The following TMEM116 variants were observed in gnomAD, a reference collection of about 807,000 sequenced individuals.
TMEM116 encodes the protein transmembrane protein 116.
TMEM116 carries 38 observed loss-of-function variants against 44.3 expected under a neutral mutation model. The ratio of observed to expected loss-of-function variants is 0.86; its 90% CI spans 0.66 to 1.12. The LOEUF (loss-of-function observed/expected upper bound fraction) is 1.12, where lower values mean the gene tolerates loss of function less well. TMEM116 is among the 50% of genes most tolerant of loss of function. The pLI is 0.00. For missense variants in TMEM116, 354 were observed against 401.7 expected, an observed-to-expected ratio of 0.88 and a Z score of 1.01; for synonymous variants, 132 against 144.8, an observed-to-expected ratio of 0.91 and a Z score of 0.64.
intron 4 of TMEM116, among the ~76,000 whole-genome samples, chr12:111,946,625 T>A (rs1462645406): frequency 6.6e-6 from 1 of 152,218 alleles, no homozygotes; most frequent in Non-Finnish European, 1.5e-5. Context: ...GTCATGGCCA[T>A]CACAAACATG....
intron 4 of TMEM116, among the ~76,000 whole-genome samples, chr12:111,954,266 C>T (rs2073937841): frequency 6.6e-6 from 1 of 152,082 alleles, no homozygotes; most frequent in African/African-American, 2.4e-5. Flanking sequence ...AAGCAAAGAT[C>T]ATAAAATTTA....
intron 4 of TMEM116, among the ~76,000 whole-genome samples, chr12:111,947,426 T>C (rs758245342): frequency 6.6e-6 from 1 of 152,214 alleles, no homozygotes; most frequent in Non-Finnish European, 1.5e-5. Context: ...TCAGGCTTAC[T>C]TGAGATGTCA....
At chr12:111,985,598 T>A (rs2136564359) in intron 4 of TMEM116, among the ~76,000 whole-genome samples, 1 of 152,282 alleles carries the variant, frequency 6.6e-6, no homozygotes, top group South Asian at 2.1e-4. Context: ...TTATAGTTTT[T>A]TGTTTTTTTG....
At chr12:111,988,386 AC>A (rs1317772370) in intron 4 of TMEM116, among the ~76,000 whole-genome samples, 2 of 152,186 alleles carry the variant, frequency 1.3e-5, no homozygotes, top group African/African-American at 2.4e-5. Context: ...ATAGTTTACC[AC>A]AATCTTAAAA....
rs1304236097 is a variant in TMEM116 at position 111,959,197 on chromosome 12, C to T, written c.211-15828G>A. Among the ~76,000 whole-genome samples the T allele has an allele frequency of 2.0e-5, 3 of 152,196 alleles. No homozygotes were observed. In the South Asian group the frequency reaches 6.2e-4, roughly 31 times the overall value. On this transcript the variant is annotated intron_variant, in intron 4 of 10. Transcript: ENST00000552374. ...GAAGAGAGTGGAGGCCAATATTCAA[C>T]ATTCTTAAAGAAAAGAATTTTCAAC... is the stretch of plus-strand genomic sequence containing the variant.
At chr12:111,975,785 G>T (rs971382341) in intron 4 of TMEM116, among the ~76,000 whole-genome samples, 2 of 138,660 alleles carry the variant, frequency 1.4e-5, no homozygotes, top group Non-Finnish European at 3.0e-5. Flanking sequence ...TGATGTAAAG[G>T]GATACTTTAA....
intron 1 of TMEM116, among the ~76,000 whole-genome samples, chr12:112,009,531 T>C (rs1412157741): frequency 7.2e-6 from 1 of 139,060 alleles, no homozygotes; most frequent in Non-Finnish European, 1.5e-5. Flanking sequence ...AGCATGGGTT[T>C]ACTTAAAAAA....
intron 4 of TMEM116, among the ~76,000 whole-genome samples, chr12:111,945,847 C>T (rs1406462419): frequency 6.6e-6 from 1 of 152,132 alleles, no homozygotes; most frequent in Admixed American, 6.5e-5. Context: ...AGAAACTGTA[C>T]TTCTTTATGT....
At chr12:111,971,289 T>C (rs530446153) in intron 4 of TMEM116, among the ~76,000 whole-genome samples, 1 of 152,056 alleles carries the variant, frequency 6.6e-6, no homozygotes, top group Non-Finnish European at 1.5e-5. Context: ...TAATAAACTA[T>C]TTAGGCAAAA....
At chr12:112,006,028 C>A in intron 1 of TMEM116, 1 of 980,070 alleles carries the variant, frequency 1.0e-6, no homozygotes, top group Non-Finnish European at 1.2e-6. Context: ...CCTTGAGCAG[C>A]CGATCCTTCC....
rs1435328868 is a variant in TMEM116 at position 111,932,634 on chromosome 12, C to A, written c.759G>T (p.Leu253=). Residue 253 remains leucine (L), a synonymous_variant, in exon 10 of 11, where the codon CTG becomes CTT. Transcript: ENST00000552374. ...GAAGCTTGGTGTCCTGTGGCTTAGT[C>A]AGCTTTATGATCATTAGAATGACAG... ...GPAVILMIIK[L]TKPQDTKLHM... 7.4e-6 allele frequency: 12 copies of A among 1,614,042 alleles called. No individual in the cohort carries two copies. Among genetic ancestry groups the A allele is most frequent in the Non-Finnish European group, 1.0e-5 (12 of 1,180,024 alleles).
chr12:112,003,769 T>C, intron 3 of TMEM116, 31 bp downstream of exon 3: 1 of 1,507,642 alleles, frequency 6.6e-7, no homozygotes, highest in Non-Finnish European at 8.8e-7. Context: ...CAATAAAAAG[T>C]TCAAATCCAA....
At chr12:112,001,002 G>A (rs569698336) in intron 3 of TMEM116, 126 of 233,930 alleles carry the variant, frequency 5.4e-4, no homozygotes, top group African/African-American at 2.7e-3. Context: ...CCAAGCTCCC[G>A]TGAGGTCCAA....
chr12:111,957,007 C>T (rs1031662994), intron 4 of TMEM116, among the ~76,000 whole-genome samples: 19 of 149,984 alleles, frequency 1.3e-4, no homozygotes, highest in African/African-American at 3.7e-4. Flanking sequence ...TCTGCCTGGC[C>T]GCCCAGTCCG....
intron 4 of TMEM116, among the ~76,000 whole-genome samples, chr12:111,979,954 T>C (rs1223423575): frequency 6.6e-6 from 1 of 152,182 alleles, no homozygotes; most frequent in Non-Finnish European, 1.5e-5. Context: ...TGCCAAGCAG[T>C]AGAAACTCTC....
At chr12:112,010,372 C>T (rs936694822) in intron 1 of TMEM116, 4 of 152,186 alleles carry the variant, frequency 2.6e-5, no homozygotes, top group African/African-American at 2.4e-5. Flanking sequence ...TGCCTTTACC[C>T]GAGTTCTTGT....
chr12:111,964,115 T>C (rs991076216), intron 4 of TMEM116, among the ~76,000 whole-genome samples: 7 of 149,324 alleles, frequency 4.7e-5, no homozygotes, highest in Admixed American at 2.0e-4. Flanking sequence ...ACTTCTCTAC[T>C]ATATCACCTG....
intron 4 of TMEM116, among the ~76,000 whole-genome samples, chr12:111,969,024 GA>G (rs1488341592): frequency 2.3e-4 from 32 of 139,234 alleles, no homozygotes; most frequent in African/African-American, 7.4e-4. Flanking sequence ...GAAAAGAAAA[GA>G]AAAAAAAGAA....
chr12:111,950,505 T>C (rs2073646343), intron 4 of TMEM116, among the ~76,000 whole-genome samples: 1 of 147,832 alleles, frequency 6.8e-6, no homozygotes, highest in South Asian at 2.2e-4. Flanking sequence ...TAGAACAGGA[T>C]AGAGAGCCCA....
Sources: gnomAD v4.1 joint callset for allele counts (sites outside exome capture counted in the v4.1 genomes callset) on GRCh38, gnomAD v4.1.1 for gene constraint, MANE v1.5 for transcripts, NCBI Gene and HGNC (gene_info 2026-07-23, HGNC 2026-07-21) for gene names.